STT3B: variants seen among roughly 807,000 people sequenced by gnomAD.
STT3B encodes the protein dolichyl-diphosphooligosaccharide--protein glycosyltransferase subunit STT3B.
A neutral mutation model predicts 96.8 loss-of-function variants in STT3B; 29 were observed. That is an observed-to-expected ratio of 0.30 (90% CI 0.22 to 0.41). The LOEUF is 0.41. Ranked by LOEUF, STT3B falls within the 10% of genes least tolerant of loss-of-function variation. The pLI is 1.00. For missense variants in STT3B, 640 were observed against 1,022.3 expected, an observed-to-expected ratio of 0.63 and a Z score of 5.10; for synonymous variants, 367 against 360.0, an observed-to-expected ratio of 1.02 and a Z score of -0.22.
rs997947699 is a variant in STT3B, at chr3:31,615,944, T to G, written c.976+741T>G. On this transcript the variant is annotated intron_variant, in intron 6 of 15. Coordinates refer to ENST00000295770, the MANE Select transcript of STT3B (RefSeq NM_178862.3). ...CTTTTTGAGAATCCGTTTTTGCGAC[T>G]ACTCCTTTAGTTTTGTATATCTTAG... Among the ~76,000 whole-genome samples, 5 of 151,912 alleles carry G rather than the reference T, an allele frequency of 3.3e-5. No homozygotes were observed. In the East Asian group the frequency reaches 9.6e-4, roughly 29 times the overall value.
chr3:31,593,156 T>C (rs1698703336), intron 3 of STT3B, among the ~76,000 whole-genome samples: 2 of 152,242 alleles, frequency 1.3e-5, no homozygotes, highest in South Asian at 2.1e-4. Context: ...AGGATAGTTA[T>C]GTAAGAATAT....
chr3:31,547,679 T>C (rs901135965), intron 1 of STT3B, among the ~76,000 whole-genome samples: 1 of 152,198 alleles, frequency 6.6e-6, no homozygotes, highest in Admixed American at 6.5e-5. Flanking sequence ...CAAGTACAAC[T>C]CAGTTGGTTT....
chr3:31,540,259 G>A (rs892329712), intron 1 of STT3B, among the ~76,000 whole-genome samples: 1 of 152,068 alleles, frequency 6.6e-6, no homozygotes, highest in Admixed American at 6.5e-5. Flanking sequence ...AAAAAATTGT[G>A]TGTACTGGTT....
At chr3:31,625,499 T>C (rs1290250927) in intron 12 of STT3B, among the ~76,000 whole-genome samples, 1 of 152,246 alleles carries the variant, frequency 6.6e-6, no homozygotes, top group African/African-American at 2.4e-5. Flanking sequence ...TGTAATCCCC[T>C]CTTTGTACTT....
chr3:31,533,962 G>A (rs949643726), intron 1 of STT3B, among the ~76,000 whole-genome samples: 32 of 152,308 alleles, frequency 2.1e-4, no homozygotes, highest in African/African-American at 6.7e-4. Flanking sequence ...ACCCCTGAAA[G>A]TGATCTGAAA....
intron 5 of STT3B, among the ~76,000 whole-genome samples, chr3:31,610,100 T>G (rs942616734): frequency 2.0e-5 from 3 of 152,210 alleles, no homozygotes; most frequent in African/African-American, 7.2e-5. Context: ...AATCAGTGTT[T>G]TGTGTTTTTT....
At chr3:31,600,564 A>G in intron 5 of STT3B, 105 bp downstream of exon 5, 1 of 497,276 alleles carries the variant, frequency 2.0e-6, no homozygotes, top group Admixed American at 3.5e-5. Context: ...ATGAAAAGGT[A>G]AAAATAATTT....
intron 1 of STT3B, among the ~76,000 whole-genome samples, chr3:31,544,737 C>T (rs115948494): frequency 0.026 from 3,979 of 152,172 alleles, 177 homozygotes; most frequent in African/African-American, 0.091. Flanking sequence ...CCGAGATAGG[C>T]GGATCATGAG....
rs759734824 is a variant in STT3B at position 31,633,159 on chromosome 3, G to A, written c.2400+12G>A. 2 of 1,611,096 alleles carry A rather than the reference G, an allele frequency of 1.2e-6. No individual in the cohort carries two copies. Among genetic ancestry groups the A allele is most frequent in the Non-Finnish European group, 1.7e-6 (2 of 1,178,416 alleles). On this transcript the variant is annotated intron_variant, in intron 15 of 15. Coordinates refer to ENST00000295770, the MANE Select transcript of STT3B (RefSeq NM_178862.3). ...ATTTGTCAAAGAAGGTGGGTGCCAA[G>A]TGAAGGCATTAAAGGGTAACTTAAG...
chr3:31,559,523 T>G (rs913844940), intron 1 of STT3B, among the ~76,000 whole-genome samples: 1 of 152,092 alleles, frequency 6.6e-6, no homozygotes, highest in Non-Finnish European at 1.5e-5. Context: ...AGGTTCCTCT[T>G]GTTATTGATT....
chr3:31,556,705 A>G (rs577431989), intron 1 of STT3B, among the ~76,000 whole-genome samples: 1 of 152,280 alleles, frequency 6.6e-6, no homozygotes, highest in African/African-American at 2.4e-5. Context: ...CTTTTGAGAA[A>G]TATCTGTTCA....
At chr3:31,581,249 C>A (rs1293916728) in intron 3 of STT3B, among the ~76,000 whole-genome samples, 2 of 151,962 alleles carry the variant, frequency 1.3e-5, no homozygotes, top group Non-Finnish European at 2.9e-5. Context: ...GTGGGTGATA[C>A]TGAGGTGGGC....
At chr3:31,575,454 G>A (rs1403442975) in intron 1 of STT3B, among the ~76,000 whole-genome samples, 1 of 151,370 alleles carries the variant, frequency 6.6e-6, no homozygotes, top group Non-Finnish European at 1.5e-5. Context: ...TTTGTCAAAT[G>A]CTTGATTTTT....
intron 2 of STT3B, among the ~76,000 whole-genome samples, chr3:31,577,640 G>T (rs1276674917): frequency 1.3e-5 from 2 of 152,046 alleles, no homozygotes; most frequent in African/African-American, 4.8e-5. Context: ...GAAAGAACAT[G>T]TTCTCCATGA....
intron 1 of STT3B, among the ~76,000 whole-genome samples, chr3:31,555,066 A>G (rs1346762179): frequency 6.6e-6 from 1 of 152,144 alleles, no homozygotes. Context: ...CAGACATATA[A>G]GAATGATGAA....
At position 31,542,140 on chromosome 3, in the gene STT3B, G is replaced by A. The variant is rs193263767; in HGVS notation, c.314+8828G>A. 3.7e-3 allele frequency among the ~76,000 whole-genome samples: 570 copies of A among 152,294 alleles called. 8 individuals are homozygous for A. Among genetic ancestry groups the A allele is most frequent in the African/African-American group, 0.013 (530 of 41,566 alleles). On this transcript the variant is annotated intron_variant, in intron 1 of 15. Coordinates refer to ENST00000295770, the MANE Select transcript of STT3B (RefSeq NM_178862.3). The stretch of plus-strand genomic sequence containing the variant: ...AAAATACAAGAAAGTGGGTGGGAGA[G>A]AAGAGAGAGACATCGTCTTTAAGGA...
chr3:31,561,440 C>T (rs934738006), intron 1 of STT3B, among the ~76,000 whole-genome samples: 2 of 151,856 alleles, frequency 1.3e-5, no homozygotes, highest in Non-Finnish European at 1.5e-5. Context: ...CAATTACATT[C>T]TTTTTTTTAA....
At chr3:31,601,555 A>G (rs1011588277) in intron 5 of STT3B, among the ~76,000 whole-genome samples, 1 of 152,222 alleles carries the variant, frequency 6.6e-6, no homozygotes, top group Non-Finnish European at 1.5e-5. Context: ...GGGTAAATCC[A>G]TAGCAACAGA....
At chr3:31,580,200 T>A in intron 3 of STT3B, 104 bp downstream of exon 3, 1 of 1,089,530 alleles carries the variant, frequency 9.2e-7, no homozygotes, top group Non-Finnish European at 1.3e-6. Context: ...TGTAGTTGCG[T>A]ACAGAGATCT....
Sources: allele counts gnomAD v4.1 joint callset (sites outside exome capture counted in the v4.1 genomes callset), GRCh38; gene constraint gnomAD v4.1.1; transcripts MANE v1.5; gene names NCBI Gene and HGNC (gene_info 2026-07-23, HGNC 2026-07-21).